PPP3CA: variants seen among roughly 807,000 people sequenced by gnomAD.
PPP3CA encodes the protein CAM-PRP catalytic subunit.
Under a neutral mutation model 66.5 loss-of-function variants are expected in PPP3CA, and 14 were observed. That is an observed-to-expected ratio of 0.21 (90% CI 0.14 to 0.33). The LOEUF is 0.33. PPP3CA is among the 10% of genes least tolerant of loss of function. The pLI is 1.00. For missense variants in PPP3CA, 317 were observed against 639.5 expected, an observed-to-expected ratio of 0.50 and a Z score of 5.44; for synonymous variants, 232 against 226.2, an observed-to-expected ratio of 1.03 and a Z score of -0.23.
intron 2 of PPP3CA, among the ~76,000 whole-genome samples, chr4:101,163,530 C>A (rs547264269): frequency 6.6e-6 from 1 of 152,066 alleles, no homozygotes; most frequent in East Asian, 1.9e-4. Flanking sequence ...AGAGAATATT[C>A]TCTCATCCTT....
At position 101,281,196 on chromosome 4, in the gene PPP3CA, T is replaced by C. The variant is rs184362155; in HGVS notation, c.58+65543A>G. 4.0e-3 allele frequency among the ~76,000 whole-genome samples: 612 copies of C among 152,240 alleles called. 1 individual carries two copies. Among genetic ancestry groups the C allele is most frequent in the Non-Finnish European group, 7.2e-3 (491 of 68,008 alleles). ...CTGAAGCAGTGAATGAGGAAAAGCT[T>C]TGGAGAGGGTTCAAGGAAGAATGGG... On this transcript the variant is annotated intron_variant, in intron 1 of 13. Transcript: ENST00000394854.
intron 1 of PPP3CA, among the ~76,000 whole-genome samples, chr4:101,211,163 G>A (rs1481143581): frequency 1.3e-5 from 2 of 151,958 alleles, no homozygotes; most frequent in Non-Finnish European, 2.9e-5. Context: ...AAATAAGCAG[G>A]GGAAGCCAGG....
At chr4:101,200,020 C>T (rs1724919559) in intron 1 of PPP3CA, among the ~76,000 whole-genome samples, 1 of 136,892 alleles carries the variant, frequency 7.3e-6, no homozygotes, top group Admixed American at 7.4e-5. Flanking sequence ...TCAGAAAGAT[C>T]CAGGGATCAC....
At chr4:101,098,605 A>G in intron 4 of PPP3CA, 93 bp from the exon 5 acceptor site, 2 of 1,215,894 alleles carry the variant, frequency 1.6e-6, no homozygotes, top group Non-Finnish European at 1.1e-6. Context: ...TCTTGCTAGG[A>G]CCCTATTATT....
At chr4:101,208,703 A>C (rs1725213649) in intron 1 of PPP3CA, among the ~76,000 whole-genome samples, 1 of 152,186 alleles carries the variant, frequency 6.6e-6, no homozygotes, top group Non-Finnish European at 1.5e-5. Flanking sequence ...TAAAAGATAC[A>C]TGTCTTATGT....
At chr4:101,340,515 C>A (rs886304109) in intron 1 of PPP3CA, among the ~76,000 whole-genome samples, 1 of 151,942 alleles carries the variant, frequency 6.6e-6, no homozygotes, top group Non-Finnish European at 1.5e-5. Flanking sequence ...AAGTTGATAA[C>A]CCATCTGATT....
intron 1 of PPP3CA, chr4:101,250,243 T>C (rs2110243604): frequency 2.4e-6 from 1 of 416,686 alleles, no homozygotes. Flanking sequence ...GGTCACGCAG[T>C]GTGGTGTTAT....
chr4:101,149,435 T>A (rs1344582487), intron 2 of PPP3CA, among the ~76,000 whole-genome samples: 1 of 152,164 alleles, frequency 6.6e-6, no homozygotes, highest in Non-Finnish European at 1.5e-5. Context: ...ACATTTCAAA[T>A]CCTGTATTAG....
At chr4:101,247,962 AAGAG>A (rs1346232687) in intron 1 of PPP3CA, among the ~76,000 whole-genome samples, 1 of 152,198 alleles carries the variant, frequency 6.6e-6, no homozygotes, top group Admixed American at 6.5e-5. Flanking sequence ...ATATATGAGA[AAGAG>A]AGAGAGTTGA....
chr4:101,119,992 T>C (rs1721974295), intron 2 of PPP3CA, among the ~76,000 whole-genome samples: 2 of 152,138 alleles, frequency 1.3e-5, no homozygotes, highest in Non-Finnish European at 2.9e-5. Context: ...AATTGATAAA[T>C]TATTAAAATA....
At chr4:101,202,840 T>C (rs1397532537) in intron 1 of PPP3CA, among the ~76,000 whole-genome samples, 2 of 152,220 alleles carry the variant, frequency 1.3e-5, no homozygotes, top group African/African-American at 2.4e-5. Context: ...CCTGCTGCTA[T>C]GATGACTTCT....
At chr4:101,197,924 G>A (rs78167068) in intron 1 of PPP3CA, among the ~76,000 whole-genome samples, 82 of 152,234 alleles carry the variant, frequency 5.4e-4, no homozygotes, top group Non-Finnish European at 8.2e-4. Context: ...GAAAGTACTC[G>A]ATAGGGCTTA....
chr4:101,104,238 T>C (rs1730562264), intron 3 of PPP3CA, among the ~76,000 whole-genome samples: 1 of 152,188 alleles, frequency 6.6e-6, no homozygotes, highest in African/African-American at 2.4e-5. Context: ...ATTATTGAGA[T>C]GAATTGAGAT....
intron 1 of PPP3CA, among the ~76,000 whole-genome samples, chr4:101,310,547 C>G (rs575969988): frequency 2.4e-4 from 37 of 152,106 alleles, no homozygotes; most frequent in Non-Finnish European, 2.9e-4. Flanking sequence ...AGTGGTGTCA[C>G]CCATAGTTCT....
chr4:101,060,966 T>C, intron 10 of PPP3CA, 121 bp downstream of exon 10: 3 of 817,136 alleles, frequency 3.7e-6, no homozygotes, highest in East Asian at 2.7e-5. Context: ...TATCTTTTAT[T>C]CTCAATAATG....
At chr4:101,112,696 C>T (rs1721713677) in intron 2 of PPP3CA, among the ~76,000 whole-genome samples, 1 of 152,172 alleles carries the variant, frequency 6.6e-6, no homozygotes, top group Non-Finnish European at 1.5e-5. Flanking sequence ...ACGTCACATG[C>T]TCAGTAAGGT....
At chr4:101,305,968 G>A (rs572584252) in intron 1 of PPP3CA, among the ~76,000 whole-genome samples, 1 of 152,120 alleles carries the variant, frequency 6.6e-6, no homozygotes, top group Admixed American at 6.5e-5. Context: ...AAGGTACAGT[G>A]AAGTAGGAGA....
At chr4:101,075,061 A>C (rs907314861) in intron 8 of PPP3CA, among the ~76,000 whole-genome samples, 1 of 152,118 alleles carries the variant, frequency 6.6e-6, no homozygotes, top group African/African-American at 2.4e-5. Flanking sequence ...AAACCATCAG[A>C]TCTTGTGAGA....
At chr4:101,287,572 C>T (rs1727884307) in intron 1 of PPP3CA, among the ~76,000 whole-genome samples, 1 of 152,168 alleles carries the variant, frequency 6.6e-6, no homozygotes, top group African/African-American at 2.4e-5. Flanking sequence ...ACACCCTGAG[C>T]AGCCTGTCTT....
Sources: allele counts gnomAD v4.1 joint callset (sites outside exome capture counted in the v4.1 genomes callset), GRCh38; gene constraint gnomAD v4.1.1; transcripts MANE v1.5; gene names NCBI Gene and HGNC (gene_info 2026-07-23, HGNC 2026-07-21).